USH2A: variants seen among roughly 807,000 people sequenced by gnomAD.
USH2A encodes usherin, also known as Usher syndrome 2A (autosomal recessive, mild).
In USH2A, 443 loss-of-function variants were observed where a neutral mutation model predicts 538.9. The observed-to-expected ratio is 0.82, with a 90% CI of 0.76 to 0.89. USH2A has a LOEUF of 0.89. Ranked by LOEUF, USH2A falls within the 40% of genes least tolerant of loss-of-function variation. The probability of loss-of-function intolerance (pLI) is 0.00; values close to 1 mark genes in which losing one functional copy is unlikely to be tolerated. For missense variants in USH2A, 6,633 were observed against 6,324.8 expected, an observed-to-expected ratio of 1.05 and a Z score of -1.65; for synonymous variants, 2,413 against 2,273.5, an observed-to-expected ratio of 1.06 and a Z score of -1.75.
intron 63 of USH2A, among the ~76,000 whole-genome samples, chr1:215,672,935 C>A (rs560427248): frequency 6.6e-6 from 1 of 152,242 alleles, no homozygotes; most frequent in East Asian, 1.9e-4. Flanking sequence ...ACTCTTTCAC[C>A]TCTAGAATAC....
intron 4 of USH2A, among the ~76,000 whole-genome samples, chr1:216,328,857 CAT>C (rs911709178): frequency 2.0e-5 from 3 of 151,846 alleles, no homozygotes; most frequent in South Asian, 4.1e-4. Context: ...CATATATTTA[CAT>C]GTTATATTTA....
rs1390281325 is a variant in USH2A at position 215,624,883 on chromosome 1, T to C, written c.*898A>G. 1 of 152,196 alleles carries C rather than the reference T, an allele frequency of 6.6e-6. No individual in the cohort carries two copies. Among genetic ancestry groups the C allele is most frequent in the Admixed American group, 6.6e-5 (1 of 15,260 alleles). 9.4% of individuals were successfully genotyped at this position (152,196 alleles called of 1,614,324 possible). On this transcript the variant is annotated 3_prime_UTR_variant, in exon 72 of 72. Transcript: ENST00000307340. ...TTTTAAAATTTCACGCAGCCTAATA[T>C]TGCAAATAGAACAGTAGTTTCCATT...
rs1167672606 is a variant in USH2A, at chr1:215,624,461, T to G, written c.*1320A>C. The G allele has an allele frequency of 6.6e-6, 1 of 152,174 alleles. No individual in the cohort carries two copies. Among genetic ancestry groups the G allele is most frequent in the Non-Finnish European group, 1.5e-5 (1 of 68,034 alleles). 9.4% of individuals were successfully genotyped at this position (152,174 alleles called of 1,614,324 possible). On this transcript the variant is annotated 3_prime_UTR_variant, in exon 72 of 72. Transcript: ENST00000307340. ...GATTCACAAAAAGTATTGTGACTAT[T>G]GTGTGTTAGACAGAGTCAATATTTT...
intron 13 of USH2A, among the ~76,000 whole-genome samples, chr1:216,233,148 C>T (rs2035734902): frequency 6.6e-6 from 1 of 152,144 alleles, no homozygotes; most frequent in Admixed American, 6.6e-5. Flanking sequence ...CCAAATCTCT[C>T]ACTCAGCTTT....
chr1:215,952,928 A>G (rs1666960319), intron 37 of USH2A, among the ~76,000 whole-genome samples: 1 of 152,292 alleles, frequency 6.6e-6, no homozygotes, highest in East Asian at 1.9e-4. Context: ...TAACAGACAA[A>G]CAGAGAGCCA....
intron 21 of USH2A, among the ~76,000 whole-genome samples, chr1:216,131,620 T>C (rs1404087524): frequency 6.6e-6 from 1 of 152,098 alleles, no homozygotes; most frequent in East Asian, 1.9e-4. Flanking sequence ...CAGTATGTTA[T>C]ATTAGCAAAC....
intron 67 of USH2A, among the ~76,000 whole-genome samples, chr1:215,647,119 C>T (rs1156373928): frequency 1.3e-5 from 2 of 152,140 alleles, no homozygotes; most frequent in Non-Finnish European, 2.9e-5. Context: ...ACTCACTTGC[C>T]CTTTTGCTTT....
intron 32 of USH2A, among the ~76,000 whole-genome samples, chr1:216,041,078 T>C (rs185099314): frequency 1.2e-3 from 176 of 152,172 alleles, no homozygotes; most frequent in Non-Finnish European, 1.9e-3. Flanking sequence ...AACTAGAATG[T>C]ATATACCTCA....
At chr1:216,052,168 G>C (rs991499101) in intron 30 of USH2A, among the ~76,000 whole-genome samples, 2 of 152,048 alleles carry the variant, frequency 1.3e-5, no homozygotes, top group African/African-American at 2.4e-5. Context: ...TGCTTCTTCA[G>C]CTTTGATTTG....
intron 54 of USH2A, among the ~76,000 whole-genome samples, chr1:215,780,630 G>A (rs559341225): frequency 2.2e-4 from 34 of 152,326 alleles, no homozygotes; most frequent in Non-Finnish European, 4.7e-4. Context: ...TCAAAACATA[G>A]TTTTGGACAA....
At chr1:215,936,527 A>T (rs573052298) in intron 37 of USH2A, among the ~76,000 whole-genome samples, 3 of 152,080 alleles carry the variant, frequency 2.0e-5, no homozygotes, top group African/African-American at 7.2e-5. Context: ...TTTACATTGC[A>T]GTGCTATTGT....
At chr1:216,363,622 G>GAT (rs879282722) in intron 4 of USH2A, among the ~76,000 whole-genome samples, 28 of 151,354 alleles carry the variant, frequency 1.8e-4, no homozygotes, top group Non-Finnish European at 2.8e-4. Flanking sequence ...AATATATGTG[G>GAT]ATATATATAT....
At chr1:216,160,894 T>C (rs1389969052) in intron 21 of USH2A, among the ~76,000 whole-genome samples, 1 of 152,140 alleles carries the variant, frequency 6.6e-6, no homozygotes, top group Non-Finnish European at 1.5e-5. Flanking sequence ...TTCTGTCAAC[T>C]TCAGTTTTAT....
intron 61 of USH2A, among the ~76,000 whole-genome samples, chr1:215,702,872 A>G (rs1287699140): frequency 6.6e-6 from 1 of 151,596 alleles, no homozygotes; most frequent in Admixed American, 6.6e-5. Flanking sequence ...AGGAGTTGTG[A>G]TCCTTTGGAG....
intron 3 of USH2A, among the ~76,000 whole-genome samples, chr1:216,392,324 C>T (rs2039124436): frequency 6.6e-6 from 1 of 151,814 alleles, no homozygotes; most frequent in Admixed American, 6.6e-5. Flanking sequence ...CGGTGAAACC[C>T]TGTCTCTACT....
At chr1:215,667,038 C>T (rs1341543135) in intron 64 of USH2A, among the ~76,000 whole-genome samples, 2 of 152,034 alleles carry the variant, frequency 1.3e-5, no homozygotes, top group Admixed American at 6.5e-5. Context: ...TTGCAGTGAG[C>T]CAAGATTGCG....
chr1:215,833,704 G>A (rs571456341), intron 47 of USH2A, among the ~76,000 whole-genome samples: 5 of 151,830 alleles, frequency 3.3e-5, no homozygotes, highest in African/African-American at 9.6e-5. Flanking sequence ...TAACTCTCTT[G>A]GAAAGTTAAA....
chr1:215,658,343 T>G (rs376107142), intron 64 of USH2A, among the ~76,000 whole-genome samples: 2 of 152,116 alleles, frequency 1.3e-5, no homozygotes, highest in Middle Eastern at 3.4e-3. Context: ...AAAGTAGTTT[T>G]GGGGTTTATT....
At chr1:216,071,914 G>C (rs2031570526) in intron 29 of USH2A, among the ~76,000 whole-genome samples, 1 of 152,166 alleles carries the variant, frequency 6.6e-6, no homozygotes. Context: ...TCCTGGAAAA[G>C]TGTCAAGTTG....
Sources: gnomAD v4.1 joint callset for allele counts (sites outside exome capture counted in the v4.1 genomes callset) on GRCh38, gnomAD v4.1.1 for gene constraint, MANE v1.5 for transcripts, NCBI Gene and HGNC (gene_info 2026-07-23, HGNC 2026-07-21) for gene names.